The following DMAC2L variants were observed in gnomAD, a reference collection of about 807,000 sequenced individuals.
DMAC2L encodes the protein ATP synthase subunit s, mitochondrial.
In DMAC2L, 21 loss-of-function variants were observed where a neutral mutation model predicts 22.5. The observed-to-expected ratio is 0.93, with a 90% CI of 0.66 to 1.34. The LOEUF (loss-of-function observed/expected upper bound fraction) is 1.34, where lower values mean the gene tolerates loss of function less well. DMAC2L is among the 40% of genes most tolerant of loss of function. DMAC2L has a pLI of 0.00. For missense variants in DMAC2L, 239 were observed against 246.5 expected (o/e 0.97, Z 0.20); for synonymous variants, 86 against 89.5 (o/e 0.96, Z 0.22).
At chr14:50,311,530 TG>T (rs2031182344), upstream of DMAC2L, 1 of 452,666 alleles carries the variant, frequency 2.2e-6, no homozygotes, top group African/African-American at 2.1e-5. Flanking sequence ...GCATAAGAGC[TG>T]CCTCCGACGG....
chr14:50,325,270 C>T (rs1322894226), intron 5 of DMAC2L, among the ~76,000 whole-genome samples: 3 of 152,234 alleles, frequency 2.0e-5, no homozygotes, highest in Non-Finnish European at 4.4e-5. Flanking sequence ...TTCAAAGCTT[C>T]ATCTTTTAGT....
chr14:50,312,930 TG>T, intron 1 of DMAC2L: 1 of 1,468,536 alleles, frequency 6.8e-7, no homozygotes, highest in South Asian at 1.1e-5. Flanking sequence ...GACCCGGCAC[TG>T]GGTACCGGAA....
At chr14:50,312,529 A>G in intron 1 of DMAC2L, 140 bp downstream of exon 1, 2 of 340,970 alleles carry the variant, frequency 5.9e-6, no homozygotes, top group South Asian at 3.2e-5. Context: ...CCATGCGGAC[A>G]TGGGGCCGTG....
At chr14:50,313,154 C>A in intron 1 of DMAC2L, 1 of 1,081,114 alleles carries the variant, frequency 9.2e-7, no homozygotes, top group Non-Finnish European at 1.4e-6. Flanking sequence ...GTCACTGTGC[C>A]GGTGTTGCTA....
intron 1 of DMAC2L, chr14:50,312,682 C>T: frequency 3.0e-6 from 1 of 335,424 alleles, no homozygotes. Context: ...CCGCACGCGG[C>T]CCGCGGTAGA....
At chr14:50,312,842 C>A (rs2031372554) in intron 1 of DMAC2L, 1 of 657,920 alleles carries the variant, frequency 1.5e-6, no homozygotes, top group South Asian at 1.8e-5. Context: ...TTCTGGACTT[C>A]TTTTATGGGG....
chr14:50,318,780 T>G (rs189056851), intron 2 of DMAC2L, among the ~76,000 whole-genome samples: 1 of 152,242 alleles, frequency 6.6e-6, no homozygotes, highest in Non-Finnish European at 1.5e-5. Flanking sequence ...GAAGGCCTTC[T>G]TCTCACTCCC....
At chr14:50,314,752 C>T in intron 2 of DMAC2L, 126 bp downstream of exon 2, 3 of 403,360 alleles carry the variant, frequency 7.4e-6, no homozygotes, top group Non-Finnish European at 1.5e-5. Context: ...AGCAATTCTC[C>T]TGCCTCAGCC....
rs2032273455 is a variant in DMAC2L, at chr14:50,321,525, G to A, written c.38G>A (p.Gly13Asp). The stretch of plus-strand genomic sequence containing the variant: ...GGAAAAATTTCCCAGCAGTTGTGTG[G>A]CGTAAAGAAACTCCCATGGTCATGT... Reference protein sequence around the residue: ...PFGKISQQLCGVKKLPWSCDS... With the variant: ...PFGKISQQLCDVKKLPWSCDS... The change falls in exon 3 of 6, where the codon GGC (glycine) becomes GAC (aspartate). Residue 13 changes from glycine (G) to aspartate (D), a missense_variant. By Grantham distance (94) the Gly-to-Asp change is moderately conservative. Coordinates refer to ENST00000557421, the MANE Select transcript of DMAC2L (RefSeq NM_001382507.1). 14 of 1,614,114 alleles carry A rather than the reference G, an allele frequency of 8.7e-6. No homozygotes were observed. The highest frequency in any genetic ancestry group is 1.1e-5 in the Non-Finnish European group (13 of 1,179,982).
intron 5 of DMAC2L, chr14:50,324,412 C>CT (rs759423554): frequency 5.7e-4 from 101 of 177,170 alleles, no homozygotes; most frequent in Middle Eastern, 2.4e-3. Context: ...GCTTTCTCTC[C>CT]TTTTTTTTTA....
At chr14:50,315,689 A>G (rs10148550) in intron 2 of DMAC2L, among the ~76,000 whole-genome samples, 19,856 of 136,960 alleles carry the variant, frequency 0.14, 2,142 homozygotes, top group African/African-American at 0.27. Context: ...AAAAAAAAAA[A>G]GAGTAATAAA....
chr14:50,321,251 A>C (rs1340734684), intron 2 of DMAC2L: 2 of 579,072 alleles, frequency 3.5e-6, no homozygotes, highest in Non-Finnish European at 4.9e-6. Context: ...AGTGGAACTT[A>C]ACGTTCTAGC....
chr14:50,319,844 C>T (rs1035784111), intron 2 of DMAC2L, among the ~76,000 whole-genome samples: 1 of 152,192 alleles, frequency 6.6e-6, no homozygotes, highest in Admixed American at 6.5e-5. Context: ...ACCAGTGACC[C>T]AGGGCCAAAA....
At position 50,325,978 on chromosome 14, in the gene DMAC2L, C is replaced by T. The variant is rs555619326; in HGVS notation, c.*255C>T. 331 of 1,071,874 alleles carry T rather than the reference C, an allele frequency of 3.1e-4. 1 individual carries two copies. Among genetic ancestry groups the T allele is most frequent in the Middle Eastern group, 2.7e-3 (6 of 2,250 alleles). The allele number at this position is 1,071,874 out of a possible 1,614,324, so 66.4% of individuals were successfully genotyped here. A position where few individuals can be genotyped will look rare whatever the true frequency, so the allele number is the denominator to read the frequency against. On this transcript the variant is annotated 3_prime_UTR_variant, in exon 6 of 6. Transcript: ENST00000557421. Reference sequence around the variant, plus strand: ...GGCGCAGTGGCTCATGCCTGTAATCCTAGCACTTTGGGAGGCCAAAGCGGG... The same window carrying T: ...GGCGCAGTGGCTCATGCCTGTAATCTTAGCACTTTGGGAGGCCAAAGCGGG...
intron 1 of DMAC2L, chr14:50,312,637 C>T: frequency 6.9e-6 from 2 of 290,852 alleles, no homozygotes; most frequent in Non-Finnish European, 1.3e-5. Context: ...CCCGCCCCGC[C>T]CCCGCTCCAG....
chr14:50,318,889 T>C (rs1312016967), intron 2 of DMAC2L: 3 of 283,258 alleles, frequency 1.1e-5, no homozygotes, highest in South Asian at 1.4e-4. Flanking sequence ...TTAAATTATA[T>C]GTTCTATGAG....
chr14:50,324,049 T>C lies in DMAC2L; in HGVS notation c.421T>C (p.Leu141=), dbSNP rs1413565773. 1 of 1,613,926 alleles carries C rather than the reference T, an allele frequency of 6.2e-7. No individual in the cohort carries two copies. The highest frequency in any genetic ancestry group is 8.5e-7 in the Non-Finnish European group (1 of 1,179,996). ...SQLENLQKTI[L]EMEIISCGNI... ...ACTTGAAAATTTACAAAAAACCATA[T>C]TGGAAATGGAAATAATATCCTGTGG... The change falls in exon 5 of 6, where the codon TTG becomes CTG. Residue 141 remains leucine, a synonymous_variant. Coordinates refer to ENST00000557421, the MANE Select transcript of DMAC2L (RefSeq NM_001382507.1).
Position 50,322,629 on chromosome 14 carries a change from CA to C in DMAC2L, c.227del (p.His76ProfsTer23), listed in dbSNP as rs1471624242. ...GGAGAGGTGGCAGAAGGACTACAACCACCTTCCAACAGGCCCTCTGGACAAA... is the reference window on the plus strand; with the variant it reads ...GGAGAGGTGGCAGAAGGACTACAACCCCTTCCAACAGGCCCTCTGGACAAA... Reference protein sequence around the residue: ...GQERWQKDYNHLPTGPLDKYK... With the variant: ...GQERWQKDYNXLPTGPLDKYK... On this transcript the variant is annotated frameshift_variant, in exon 4 of 6. Transcript: ENST00000557421. LOFTEE classifies it high-confidence loss of function. 6.2e-6 allele frequency: 10 copies of C among 1,614,208 alleles called. No individual in the cohort carries two copies. The highest frequency in any genetic ancestry group is 8.5e-6 in the Non-Finnish European group (10 of 1,180,038).
In DMAC2L at chr14:50,323,955, G is replaced by C; in HGVS notation, c.327G>C (p.Glu109Asp). Residue 109 changes from glutamate to aspartate, a missense_variant, in exon 5 of 6, where the codon GAG (glutamate) becomes GAC (aspartate). Physicochemically the swap from Glu to Asp is conservative, Grantham distance 45. Transcript: ENST00000557421. ...SIGFDHMEGL[E>D]HVEKIRLCKC... is the part of the protein sequence containing the mutation. Reference sequence around the variant, plus strand: ...ACTTTTTCTCCCCAGAGGGCCTAGAGCATGTTGAAAAAATAAGGCTGTGCA... The same window carrying C: ...ACTTTTTCTCCCCAGAGGGCCTAGACCATGTTGAAAAAATAAGGCTGTGCA... 6.2e-7 allele frequency: 1 copy of C among 1,610,684 alleles called. No homozygotes were observed. Among genetic ancestry groups the C allele is most frequent in the Non-Finnish European group, 8.5e-7 (1 of 1,178,696 alleles).
Sources: gnomAD v4.1 joint callset for allele counts (sites outside exome capture counted in the v4.1 genomes callset) on GRCh38, gnomAD v4.1.1 for gene constraint, MANE v1.5 for transcripts, NCBI Gene and HGNC (gene_info 2026-07-23, HGNC 2026-07-21) for gene names.